The following PTER variants were observed in gnomAD, a reference collection of about 807,000 sequenced individuals.
PTER encodes the protein phosphotriesterase related.
A neutral mutation model predicts 29.6 loss-of-function variants in PTER; 38 were observed. The ratio of observed to expected loss-of-function variants is 1.28; its 90% CI spans 0.99 to 1.68. The LOEUF (loss-of-function observed/expected upper bound fraction) is 1.68. PTER is among the 40% of genes most tolerant of loss of function. PTER has a pLI of 0.00. For missense variants in PTER, 482 were observed against 427.8 expected (o/e 1.13, Z -1.12); for synonymous variants, 172 against 154.5 (o/e 1.11, Z -0.84).
Position 16,484,750 on chromosome 10 carries a change from A to G in PTER, c.366A>G (p.Ile122Met), listed in dbSNP as rs374363824. 3 of 1,613,856 alleles carry G rather than the reference A, an allele frequency of 1.9e-6. No homozygotes were observed. The highest frequency in any genetic ancestry group is 2.5e-6 in the Non-Finnish European group (3 of 1,179,994). ...CAGAAGAGACTGGCGTCCATATCAT[A>G]TCTGGAGCCGGGTTTTATGTGGATG... ...RLAEETGVHIISGAGFYVDAT... is the reference protein window; with the variant it reads ...RLAEETGVHIMSGAGFYVDAT... Residue 122 changes from isoleucine (I) to methionine (M), a missense_variant, in exon 2 of 5, where the codon ATA becomes ATG. Coordinates refer to ENST00000535784, the MANE Select transcript of PTER (RefSeq NM_001261836.2).
intron 1 of PTER, among the ~76,000 whole-genome samples, chr10:16,459,126 C>A (rs936509282): frequency 3.3e-5 from 5 of 152,102 alleles, no homozygotes; most frequent in Non-Finnish European, 7.4e-5. Context: ...ATGTATTTTT[C>A]TTCAAAAATT....
chr10:16,451,534 C>G (rs553904082), intron 1 of PTER, among the ~76,000 whole-genome samples: 5 of 152,128 alleles, frequency 3.3e-5, no homozygotes, highest in Non-Finnish European at 4.4e-5. Context: ...CATTACTAAA[C>G]CCTGTCTCTA....
chr10:16,511,446 C>T lies in PTER; in HGVS notation c.*190C>T. ...ACTGTGCCTCTAGGGAGTTACTCAG[C>T]CTAATTGAGCCCTATTATTTTAACT... On this transcript the variant is annotated 3_prime_UTR_variant, in exon 5 of 5. Coordinates refer to ENST00000535784, the MANE Select transcript of PTER (RefSeq NM_001261836.2). 2 of 584,034 alleles carry T rather than the reference C, an allele frequency of 3.4e-6. No individual in the cohort carries two copies. The highest frequency in any genetic ancestry group is 1.9e-5 in the African/African-American group (1 of 53,804). The allele number at this position is 584,034 out of a possible 1,614,324, so 36.2% of individuals were successfully genotyped here. A position where few individuals can be genotyped will look rare whatever the true frequency, so the allele number is the denominator to read the frequency against.
intron 1 of PTER, among the ~76,000 whole-genome samples, chr10:16,440,691 C>T (rs1456356413): frequency 6.6e-6 from 1 of 152,192 alleles, no homozygotes; most frequent in Non-Finnish European, 1.5e-5. Context: ...CAATCACTTT[C>T]CCTCTGCCGC....
intron 3 of PTER, among the ~76,000 whole-genome samples, chr10:16,491,955 C>T (rs1835915474): frequency 6.6e-6 from 1 of 152,094 alleles, no homozygotes; most frequent in Non-Finnish European, 1.5e-5. Flanking sequence ...CACACACACA[C>T]ATACACTCAT....
In PTER at chr10:16,449,921, C is replaced by G. The variant is rs189896509; in HGVS notation, c.-49+12874C>G. ...ACACAGTGGGTCATCTTTTGATTCACATTTCAGCTAACCAAACAAATAAAC... is the reference window on the plus strand; with the variant it reads ...ACACAGTGGGTCATCTTTTGATTCAGATTTCAGCTAACCAAACAAATAAAC... On this transcript the variant is annotated intron_variant, in intron 1 of 4. Coordinates refer to ENST00000535784, the MANE Select transcript of PTER (RefSeq NM_001261836.2). 1.7e-3 allele frequency among the ~76,000 whole-genome samples: 262 copies of G among 152,276 alleles called. 1 individual carries two copies. The highest frequency in any genetic ancestry group is 6.1e-3 in the African/African-American group (254 of 41,560).
chr10:16,514,134 A>G (rs1836910544), downstream of PTER: 1 of 397,586 alleles, frequency 2.5e-6, no homozygotes, highest in Non-Finnish European at 4.4e-6. Flanking sequence ...TATCATAATA[A>G]GCAGGTAAAC....
chr10:16,483,857 G>GA (rs1328774286), intron 1 of PTER, among the ~76,000 whole-genome samples: 2 of 150,408 alleles, frequency 1.3e-5, no homozygotes, highest in Admixed American at 6.6e-5. Flanking sequence ...CCCTCAAAAA[G>GA]AAAAAAAAGG....
chr10:16,477,251 T>A (rs1257927434), intron 1 of PTER, among the ~76,000 whole-genome samples: 1 of 107,554 alleles, frequency 9.3e-6, no homozygotes, highest in Non-Finnish European at 1.9e-5. Context: ...AAATTCATTC[T>A]GTCTTTCGAT....
chr10:16,493,814 T>C (rs772237186), intron 3 of PTER, among the ~76,000 whole-genome samples: 12 of 152,148 alleles, frequency 7.9e-5, no homozygotes, highest in Non-Finnish European at 1.8e-4. Context: ...CAAAATTCTG[T>C]ATATTCATAA....
At chr10:16,463,298 A>G (rs549212333) in intron 1 of PTER, among the ~76,000 whole-genome samples, 1 of 152,188 alleles carries the variant, frequency 6.6e-6, no homozygotes, top group Admixed American at 6.5e-5. Context: ...CTCCTGATAA[A>G]CCACTTAATT....
intron 1 of PTER, among the ~76,000 whole-genome samples, chr10:16,474,154 C>A (rs1380122418): frequency 6.6e-6 from 1 of 151,908 alleles, no homozygotes; most frequent in Non-Finnish European, 1.5e-5. Flanking sequence ...GAGTTAGACC[C>A]TTAACAGCCC....
downstream of PTER, among the ~76,000 whole-genome samples, chr10:16,517,699 T>G (rs908663317): frequency 3.3e-5 from 5 of 152,202 alleles, no homozygotes; most frequent in South Asian, 2.1e-4. Flanking sequence ...TTTAGGGATA[T>G]GTTTCTGTGT....
chr10:16,510,361 C>T (rs1190990774), intron 4 of PTER, among the ~76,000 whole-genome samples: 1 of 152,196 alleles, frequency 6.6e-6, no homozygotes, highest in Admixed American at 6.5e-5. Context: ...AGCAATCTTG[C>T]TGACATGGAA....
At position 16,511,362 on chromosome 10, in the gene PTER, G is replaced by C; in HGVS notation, c.*106G>C. ...AATCAGTTACCTAGGACTAATGACA[G>C]ATCATTTCCTTCTGATGAGAACTAG... On this transcript the variant is annotated 3_prime_UTR_variant, in exon 5 of 5. Coordinates refer to ENST00000535784, the MANE Select transcript of PTER (RefSeq NM_001261836.2). The C allele has an allele frequency of 9.7e-7, 1 of 1,030,414 alleles. No individual in the cohort carries two copies. The highest frequency in any genetic ancestry group is 1.8e-5 in the Admixed American group (1 of 54,492). 63.8% of individuals were successfully genotyped at this position (1,030,414 alleles called of 1,614,324 possible).
At position 16,474,195 on chromosome 10, in the gene PTER, G is replaced by C. The variant is rs140244072; in HGVS notation, c.-48-10142G>C. On this transcript the variant is annotated intron_variant, in intron 1 of 4. Coordinates refer to ENST00000535784, the MANE Select transcript of PTER (RefSeq NM_001261836.2). ...GAGAAATTGGTAGGAATGGTATCAAGACAAGTGCTTCAGAATAGAAGTTGC... is the reference window on the plus strand; with the variant it reads ...GAGAAATTGGTAGGAATGGTATCAACACAAGTGCTTCAGAATAGAAGTTGC... 4.9e-3 allele frequency among the ~76,000 whole-genome samples: 745 copies of C among 152,272 alleles called. 7 individuals carry two copies. The highest frequency in any genetic ancestry group is 0.017 in the African/African-American group (691 of 41,552).
intron 1 of PTER, among the ~76,000 whole-genome samples, chr10:16,445,574 G>A (rs1458070902): frequency 3.3e-5 from 5 of 152,150 alleles, no homozygotes; most frequent in Non-Finnish European, 7.3e-5. Context: ...CTTTCTCCCA[G>A]TTAGCATTTC....
chr10:16,484,376 C>T lies in PTER; in HGVS notation c.-9C>T. 6.4e-7 allele frequency: 1 copy of T among 1,563,046 alleles called. No individual in the cohort carries two copies. The highest frequency in any genetic ancestry group is 8.6e-7 in the Non-Finnish European group (1 of 1,160,464). ...CTTTTTAGAACATCTCTTGGTGGTA[C>T]CATCAGAAATGTCTTCCTTAAGTGG... On this transcript the variant is annotated 5_prime_UTR_variant, in exon 2 of 5. Coordinates refer to ENST00000535784, the MANE Select transcript of PTER (RefSeq NM_001261836.2).
downstream of PTER, among the ~76,000 whole-genome samples, chr10:16,516,769 C>G (rs1588640799): frequency 6.6e-6 from 1 of 152,304 alleles, no homozygotes; most frequent in African/African-American, 2.4e-5. Context: ...TAGGCGTAAC[C>G]ACAAATTCCT....
Sources: gnomAD v4.1 joint callset for allele counts (sites outside exome capture counted in the v4.1 genomes callset) on GRCh38, gnomAD v4.1.1 for gene constraint, MANE v1.5 for transcripts, NCBI Gene and HGNC (gene_info 2026-07-23, HGNC 2026-07-21) for gene names.